Variants in MYCBP2 observed in about 807,000 individuals in gnomAD.
The protein encoded by MYCBP2 is E3 ubiquitin-protein ligase MYCBP2.
A neutral mutation model predicts 525.3 loss-of-function variants in MYCBP2; 120 were observed. The observed-to-expected ratio is 0.23, with a 90% CI of 0.20 to 0.27. The LOEUF is 0.27. Among genes scored for constraint, MYCBP2 ranks in the 10% least tolerant of loss-of-function variants. MYCBP2 has a pLI of 1.00. For missense variants in MYCBP2, 4,149 were observed against 5,657.1 expected (o/e 0.73, Z 8.55); for synonymous variants, 1,894 against 1,955.8 (o/e 0.97, Z 0.83).
chr13:77,145,633 A>G (rs2055408924), intron 48 of MYCBP2, among the ~76,000 whole-genome samples: 1 of 152,150 alleles, frequency 6.6e-6, no homozygotes, highest in African/African-American at 2.4e-5. Context: ...TGATCTCTCC[A>G]AAGTATAATG....
chr13:77,078,678 G>C (rs1488904550), intron 66 of MYCBP2, 146 bp downstream of exon 66: 1 of 656,898 alleles, frequency 1.5e-6, no homozygotes, highest in African/African-American at 1.8e-5. Flanking sequence ...CTATGTTTTG[G>C]ACCACTTGTC....
Position 77,062,596 on chromosome 13 carries a change from C to T in MYCBP2, c.12774G>A (p.Met4258Ile). 1 of 1,612,248 alleles carries T rather than the reference C, an allele frequency of 6.2e-7. No individual in the cohort carries two copies. The highest frequency in any genetic ancestry group is 8.5e-7 in the Non-Finnish European group (1 of 1,178,392). The change falls in exon 74 of 83, where the codon ATG becomes ATA. Residue 4258 changes from methionine to isoleucine, a missense_variant and splice_region_variant. By Grantham distance (10) the Met-to-Ile change is conservative. This residue lies in a region of MYCBP2 where 220 missense variants were observed against 396.0 expected (regional missense o/e 0.56). Transcript: ENST00000544440. ...AATTCTTACAAAATTCTGATCTTAC[C>T]ATTTGTTTTTGTTGTCCATCCTTTC... ...WMGKDGQQKQ[M>I]PMCDNHDDGE...
At chr13:77,253,276 C>T (rs1022045051) in intron 14 of MYCBP2, among the ~76,000 whole-genome samples, 1 of 151,790 alleles carries the variant, frequency 6.6e-6, no homozygotes, top group Non-Finnish European at 1.5e-5. Context: ...TAGGTATATA[C>T]CCAAAAGCCA....
At chr13:77,244,435 A>G (rs1288795032) in intron 15 of MYCBP2, among the ~76,000 whole-genome samples, 1 of 152,216 alleles carries the variant, frequency 6.6e-6, no homozygotes. Flanking sequence ...TATTTAATAA[A>G]TGGTGCTGGG....
intron 39 of MYCBP2, among the ~76,000 whole-genome samples, chr13:77,169,371 G>C (rs913363724): frequency 6.7e-5 from 10 of 149,046 alleles, no homozygotes; most frequent in Admixed American, 2.7e-4. Context: ...ACTCCCGCCT[G>C]GGTGACAGAA....
At chr13:77,151,364 C>T (rs1028401157) in intron 46 of MYCBP2, among the ~76,000 whole-genome samples, 5 of 152,186 alleles carry the variant, frequency 3.3e-5, no homozygotes. Context: ...GTTTGAGCTG[C>T]ACTGTTCTAC....
At chr13:77,062,519 G>T in intron 74 of MYCBP2, 77 bp downstream of exon 74, 15 of 1,259,270 alleles carry the variant, frequency 1.2e-5, no homozygotes, top group Admixed American at 9.6e-5. Context: ...TTTTTTGTTT[G>T]TTTGTTTGTT....
chr13:77,159,433 C>A (rs1264883739), intron 44 of MYCBP2, among the ~76,000 whole-genome samples: 1 of 151,696 alleles, frequency 6.6e-6, no homozygotes, highest in Admixed American at 6.6e-5. Context: ...CATATCTGGT[C>A]TAGATGACAC....
chr13:77,059,541 A>G lies in MYCBP2; in HGVS notation c.13122T>C (p.Cys4374=). 4 of 1,613,872 alleles carry G rather than the reference A, an allele frequency of 2.5e-6. No individual in the cohort carries two copies. The highest frequency in any genetic ancestry group is 3.4e-6 in the Non-Finnish European group (4 of 1,179,798). The change falls in exon 77 of 83, where the codon TGT becomes TGC. Residue 4374 remains cysteine, a synonymous_variant. Coordinates refer to ENST00000544440, the MANE Select transcript of MYCBP2 (RefSeq NM_015057.5). ...TACTCACCTGGCAATCTGCATCAGAACAAACACTGCCAACAGCAGATAACT... is the reference window on the plus strand; with the variant it reads ...TACTCACCTGGCAATCTGCATCAGAGCAAACACTGCCAACAGCAGATAACT... ...GTELSAVGSV[C]SDADCQEYAK...
chr13:77,291,698 C>T (rs1315228313), intron 2 of MYCBP2, among the ~76,000 whole-genome samples: 3 of 149,792 alleles, frequency 2.0e-5, no homozygotes, highest in Non-Finnish European at 4.4e-5. Context: ...ACCTGGGAGG[C>T]GGAGGTTGCA....
At chr13:77,258,191 G>C (rs2072581437) in intron 13 of MYCBP2, among the ~76,000 whole-genome samples, 1 of 152,146 alleles carries the variant, frequency 6.6e-6, no homozygotes, top group South Asian at 2.1e-4. Flanking sequence ...GCTTTGACCT[G>C]CCTCAGCAAA....
Position 77,083,059 on chromosome 13 carries a change from C to T in MYCBP2, c.11009G>A (p.Gly3670Asp), listed in dbSNP as rs2043585038. 2 of 1,612,918 alleles carry T rather than the reference C, an allele frequency of 1.2e-6. No individual in the cohort carries two copies. The highest frequency in any genetic ancestry group is 2.7e-5 in the African/African-American group (2 of 74,818). ...ISDLMMSLPS[G>D]SSLQQMALRC... ...CAGGGCCATTTGCTGTAATGAACTGCCGCTGGGGAGAGACATCATAAGGTC... is the reference window on the plus strand; with the variant it reads ...CAGGGCCATTTGCTGTAATGAACTGTCGCTGGGGAGAGACATCATAAGGTC... Residue 3670 changes from glycine to aspartate, a missense_variant, in exon 63 of 83, where the codon GGC (glycine) becomes GAC (aspartate). This residue lies in a region of MYCBP2 where 509 missense variants were observed against 789.4 expected (regional missense o/e 0.64). Coordinates refer to ENST00000544440, the MANE Select transcript of MYCBP2 (RefSeq NM_015057.5).
rs191506813 is a variant in MYCBP2, at chr13:77,291,659, C to T, written c.379-3283G>A. Among the ~76,000 whole-genome samples, 843 of 151,490 alleles carry T rather than the reference C, an allele frequency of 5.6e-3. 35 individuals are homozygous for T. Among genetic ancestry groups the T allele is most frequent in the Non-Finnish European group, 1.3e-3 (85 of 67,936 alleles). On this transcript the variant is annotated intron_variant, in intron 2 of 82. Transcript: ENST00000544440. Reference sequence around the variant, plus strand: ...GTGCATGCCTGTAATCCCAGCTCCTCGGGAGCCTGAGGCAGGAGAATTGCT... The same window carrying T: ...GTGCATGCCTGTAATCCCAGCTCCTTGGGAGCCTGAGGCAGGAGAATTGCT...
At chr13:77,071,400 T>C (rs1012215732) in intron 68 of MYCBP2, among the ~76,000 whole-genome samples, 2 of 152,134 alleles carry the variant, frequency 1.3e-5, no homozygotes, top group African/African-American at 4.8e-5. Flanking sequence ...AGAAACTCTT[T>C]TGTTTAAGAA....
intron 55 of MYCBP2, among the ~76,000 whole-genome samples, chr13:77,110,333 T>A (rs1046363242): frequency 1.3e-5 from 2 of 152,114 alleles, no homozygotes; most frequent in South Asian, 4.2e-4. Context: ...TACGCCCTGG[T>A]CTCCTGCAGT....
chr13:77,221,424 C>T (rs2065548327), intron 20 of MYCBP2, among the ~76,000 whole-genome samples: 2 of 152,102 alleles, frequency 1.3e-5, no homozygotes, highest in Admixed American at 1.3e-4. Context: ...GCCAACACAC[C>T]TCAGTGTGGT....
chr13:77,068,408 T>TAAAAAAAAA (rs57296816), intron 70 of MYCBP2, among the ~76,000 whole-genome samples, 157 bp downstream of exon 70: 2 of 146,004 alleles, frequency 1.4e-5, no homozygotes, highest in African/African-American at 5.2e-5. Context: ...CTATAAACAG[T>TAAAAAAAAA]AAAAAAGGGA....
intron 20 of MYCBP2, among the ~76,000 whole-genome samples, chr13:77,218,275 T>C (rs2065090515): frequency 6.6e-6 from 1 of 152,206 alleles, no homozygotes; most frequent in African/African-American, 2.4e-5. Flanking sequence ...GACTGGCCTG[T>C]TAGAGATCTT....
At chr13:77,267,995 G>A in intron 7 of MYCBP2, 58 bp from the exon 8 acceptor site, 1 of 1,085,068 alleles carries the variant, frequency 9.2e-7, no homozygotes, top group Non-Finnish European at 1.4e-6. Context: ...AGCAGAAACA[G>A]CAGCCATACA....
Sources: gnomAD v4.1 joint callset for allele counts (sites outside exome capture counted in the v4.1 genomes callset) on GRCh38, gnomAD v4.1.1 for gene constraint, gnomAD v4.1.1 regional missense constraint, MANE v1.5 for transcripts, NCBI Gene and HGNC (gene_info 2026-07-23, HGNC 2026-07-21) for gene names.